TBKBP1: variants seen among roughly 807,000 people sequenced by gnomAD.
The protein encoded by TBKBP1 is TANK-binding kinase 1-binding protein 1.
In TBKBP1, 47 loss-of-function variants were observed where a neutral mutation model predicts 69.9. The observed-to-expected ratio is 0.67, with a 90% CI of 0.53 to 0.86. The LOEUF is 0.86. Ranked by LOEUF, TBKBP1 falls within the 40% of genes least tolerant of loss-of-function variation. The pLI, the probability that TBKBP1 is intolerant of heterozygous loss-of-function variation, is 0.00. For missense variants in TBKBP1, 831 were observed against 858.6 expected, an observed-to-expected ratio of 0.97 and a Z score of 0.40; for synonymous variants, 418 against 390.3, an observed-to-expected ratio of 1.07 and a Z score of -0.84.
chr17:47,698,310 T>C (rs2031332123), intron 4 of TBKBP1, among the ~76,000 whole-genome samples: 3 of 152,230 alleles, frequency 2.0e-5, no homozygotes, highest in Admixed American at 2.0e-4. Context: ...ATGGAAGTTC[T>C]GATGCTCCTG....
rs1475181504 is a variant in TBKBP1, at chr17:47,708,773, GCCCCTC to G, written c.1050_1055del (p.Ser351_Pro352del). On this transcript the variant is annotated inframe_deletion, in exon 9 of 10. Transcript: ENST00000578982. This position sits in a 1 kb window ranked among gnomAD's most constrained non-coding sequence, Gnocchi z 4.4. ...CAACGCCACTCCCCGGCCCCCCAGT[GCCCCTC>G]CCCCTCCCCGCCTGCCCGAGCGGCT... 6 of 881,918 alleles carry G rather than the reference GCCCCTC, an allele frequency of 6.8e-6. No individual in the cohort carries two copies. The highest frequency in any genetic ancestry group is 9.8e-6 in the Non-Finnish European group (6 of 612,598). 54.6% of individuals were successfully genotyped at this position (881,918 alleles called of 1,614,324 possible). A position where few individuals can be genotyped will look rare whatever the true frequency, so the allele number is the denominator to read the frequency against.
intron 9 of TBKBP1, 136 bp downstream of exon 9, chr17:47,709,588 C>A: frequency 7.7e-7 from 1 of 1,296,450 alleles, no homozygotes; most frequent in Non-Finnish European, 1.0e-6. Flanking sequence ...GGACCCCGGG[C>A]CACAGTCTAG....
chr17:47,696,082 G>T lies in TBKBP1; in HGVS notation c.-31G>T, dbSNP rs1402131174. The T allele has an allele frequency of 6.4e-7, 1 of 1,565,500 alleles. No homozygotes were observed. The highest frequency in any genetic ancestry group is 1.1e-5 in the South Asian group (1 of 87,342). On this transcript the variant is annotated 5_prime_UTR_variant, in exon 2 of 10. Coordinates refer to ENST00000578982, the MANE Select transcript of TBKBP1 (RefSeq NM_001394755.1). ...ACGGTTGCTCCTGCTCTCCTAGGAGGCCCCGTGTGGGCCGCGGCCCGGCCC... is the reference window on the plus strand; with the variant it reads ...ACGGTTGCTCCTGCTCTCCTAGGAGTCCCCGTGTGGGCCGCGGCCCGGCCC...
chr17:47,709,443 G>A lies in TBKBP1; in HGVS notation c.1710G>A (p.Pro570=), dbSNP rs1266068664. The A allele has an allele frequency of 2.0e-6, 3 of 1,527,594 alleles. No individual in the cohort carries two copies. The highest frequency in any genetic ancestry group is 2.0e-5 in the Admixed American group (1 of 50,358). The allele number at this position is 1,527,594 out of a possible 1,614,324, so 94.6% of individuals were successfully genotyped here. A position where few individuals can be genotyped will look rare whatever the true frequency, so the allele number is the denominator to read the frequency against. Residue 570 remains proline, a synonymous_variant, in exon 9 of 10, where the codon CCG becomes CCA. Transcript: ENST00000578982. ...YAHAEHAQSW[P]SINLLMETVG... ...ACGCCGAGCACGCGCAGTCCTGGCC[G>A]TCCATCAACGTGAGTGGGGCGCCCG...
intron 7 of TBKBP1, among the ~76,000 whole-genome samples, chr17:47,701,400 C>T (rs768549147): frequency 2.0e-4 from 31 of 152,136 alleles, no homozygotes; most frequent in Middle Eastern, 3.2e-3. Context: ...CTCTCTCACA[C>T]TCTCCAATCC....
At position 47,698,648 on chromosome 17, in the gene TBKBP1, GCGGCAACAGCAAGGC is replaced by G. The variant is rs1156428814; in HGVS notation, c.509_523del (p.Arg170_Gly174del). 1 of 1,602,458 alleles carries G rather than the reference GCGGCAACAGCAAGGC, an allele frequency of 6.2e-7. No homozygotes were observed. On this transcript the variant is annotated inframe_deletion, in exon 5 of 10. Transcript: ENST00000578982. The stretch of plus-strand genomic sequence containing the variant: ...AGATCTGTGGTTTGGAGCAGCAGCT[GCGGCAACAGCAAGGC>G]CTCCAGGATGCAGCCTTCTCCAACC...
At position 47,696,229 on chromosome 17, in the gene TBKBP1, C is replaced by T. The variant is rs539221786; in HGVS notation, c.117C>T (p.Ala39=). The T allele has an allele frequency of 1.6e-5, 26 of 1,613,668 alleles. No individual in the cohort carries two copies. The highest frequency in any genetic ancestry group is 2.1e-5 in the Non-Finnish European group (25 of 1,179,872). ...CGCTTGGGGGCGACATGTGCTCCGC[C>T]TCCCACTTTGCCCTCATCACTGCTT... ...DPSLGGDMCS[A]SHFALITAYG... The change falls in exon 2 of 10, where the codon GCC becomes GCT. Residue 39 remains alanine, a synonymous_variant. Transcript: ENST00000578982.
In TBKBP1 at chr17:47,696,738, G is replaced by T; in HGVS notation, c.253G>T (p.Glu85Ter). The change falls in exon 3 of 10, where the codon GAG becomes TAG. Residue 85 changes from glutamate (E) to a stop codon, truncating the protein, a stop_gained. Coordinates refer to ENST00000578982, the MANE Select transcript of TBKBP1 (RefSeq NM_001394755.1). LOFTEE classifies it high-confidence loss of function. Reference protein sequence around the residue: ...KYPLISDFGEEHGFSLYEIKD... With the variant: ...KYPLISDFGE The stretch of plus-strand genomic sequence containing the variant: ...CCCACTGATCAGTGACTTTGGAGAG[G>T]AGCATGGCTTTTCTCTGTATGAAAT... 1 of 1,613,990 alleles carries T rather than the reference G, an allele frequency of 6.2e-7. No individual in the cohort carries two copies.
At position 47,696,722 on chromosome 17, in the gene TBKBP1, C is replaced by T. The variant is rs1156919421; in HGVS notation, c.237C>T (p.Ile79=). 6.2e-7 allele frequency: 1 copy of T among 1,613,916 alleles called. No individual in the cohort carries two copies. Residue 79 remains isoleucine, a synonymous_variant, in exon 3 of 10, where the codon ATC becomes ATT. Coordinates refer to ENST00000578982, the MANE Select transcript of TBKBP1 (RefSeq NM_001394755.1). The stretch of plus-strand genomic sequence containing the variant: ...CACCCCACCTGCAGTACCCACTGAT[C>T]AGTGACTTTGGAGAGGAGCATGGCT... ...LKVYEIKYPL[I]SDFGEEHGFS...
At chr17:47,706,711 C>T (rs2031707804) in intron 7 of TBKBP1, among the ~76,000 whole-genome samples, 1 of 152,088 alleles carries the variant, frequency 6.6e-6, no homozygotes, top group South Asian at 2.1e-4. Context: ...TAGTAAGAGA[C>T]AGCCAGTGAG....
chr17:47,699,251 GT>G, intron 5 of TBKBP1, 68 bp from the exon 6 acceptor site: 1 of 1,423,012 alleles, frequency 7.0e-7, no homozygotes, highest in Non-Finnish European at 9.2e-7. Context: ...GCATCCTCCT[GT>G]TTCACTCTGG....
At chr17:47,699,231 TC>T (rs1314380417) in intron 5 of TBKBP1, 88 bp from the exon 6 acceptor site, 1 of 1,342,654 alleles carries the variant, frequency 7.4e-7, no homozygotes, top group Non-Finnish European at 9.6e-7. Context: ...TCTCTTGGAG[TC>T]CCCATGCTGC....
chr17:47,696,311 C>A lies in TBKBP1; in HGVS notation c.199C>A (p.Arg67Ser). ...GGAGAGGGAGAACGCCACCCTCCGA[C>A]GCCGCCTCAAAGTCTACGAGATCAA... Reference protein sequence around the residue: ...GLERENATLRRRLKVYEIKYP... With the variant: ...GLERENATLRSRLKVYEIKYP... The change falls in exon 2 of 10, where the codon CGC (arginine) becomes AGC (serine). Residue 67 changes from arginine to serine, a missense_variant. By Grantham distance (110) the Arg-to-Ser change is moderately radical. Transcript: ENST00000578982. 1.2e-6 allele frequency: 2 copies of A among 1,613,210 alleles called. No individual in the cohort carries two copies. The highest frequency in any genetic ancestry group is 1.1e-5 in the South Asian group (1 of 91,090).
chr17:47,710,657 CG>C lies in TBKBP1; in HGVS notation c.*32del. On this transcript the variant is annotated 3_prime_UTR_variant, in exon 10 of 10. Coordinates refer to ENST00000578982, the MANE Select transcript of TBKBP1 (RefSeq NM_001394755.1). ...CAGCCCCACCCACTGGCTGTTTCTC[CG>C]TCCTCTCCTATCACCCCCAAACACT... 1 of 1,583,882 alleles carries C rather than the reference CG, an allele frequency of 6.3e-7. No homozygotes were observed. Among genetic ancestry groups the C allele is most frequent in the Non-Finnish European group, 8.6e-7 (1 of 1,156,136 alleles).
chr17:47,699,540 G>A (rs1345731131), intron 6 of TBKBP1, 45 bp downstream of exon 6: 1 of 1,608,826 alleles, frequency 6.2e-7, no homozygotes, highest in Non-Finnish European at 8.5e-7. Context: ...CCAGGGCTGG[G>A]CCTTCCCCAC....
intron 2 of TBKBP1, among the ~76,000 whole-genome samples, 182 bp from the exon 3 acceptor site, chr17:47,696,529 G>C (rs2031249871): frequency 6.6e-6 from 1 of 152,138 alleles, no homozygotes; most frequent in Admixed American, 6.5e-5. Context: ...GCTGGATCTG[G>C]GATCTAAAAC....
intron 7 of TBKBP1, among the ~76,000 whole-genome samples, chr17:47,704,598 G>C (rs749920121): frequency 6.6e-6 from 1 of 152,164 alleles, no homozygotes; most frequent in Non-Finnish European, 1.5e-5. Context: ...TGAATCAGAC[G>C]ATGATTCTGA....
chr17:47,699,415 C>A lies in TBKBP1; in HGVS notation c.730C>A (p.Gln244Lys). Residue 244 changes from glutamine to lysine, a missense_variant, in exon 6 of 10, where the codon CAG (glutamine) becomes AAG (lysine). Gln to Lys is a moderately conservative substitution (Grantham distance 53, BLOSUM62 1). Coordinates refer to ENST00000578982, the MANE Select transcript of TBKBP1 (RefSeq NM_001394755.1). ...CGCGCAGGGAGAGGCCCGGGGGGCT[C>A]AGCTCCGGGAGGAGCAGCTCCAGGC... ...EAAQGEARGA[Q>K]LREEQLQAEC... 1 of 1,566,348 alleles carries A rather than the reference C, an allele frequency of 6.4e-7. No individual in the cohort carries two copies. The highest frequency in any genetic ancestry group is 1.4e-5 in the African/African-American group (1 of 73,000).
rs111443670 is a variant in TBKBP1 at position 47,707,868 on chromosome 17, A to G, written c.873-526A>G. Among the ~76,000 whole-genome samples the G allele has an allele frequency of 7.0e-3, 1,067 of 152,306 alleles. 4 individuals are homozygous for G. The highest frequency in any genetic ancestry group is 0.011 in the Non-Finnish European group (762 of 68,028). ...GCTATTCTATGCAGCAGGGTCCCCA[A>G]CCTTTTCAAAGGTGAGGACTCTTCA... On this transcript the variant is annotated intron_variant, in intron 7 of 9. Transcript: ENST00000578982.
Sources: gnomAD v4.1 joint callset for allele counts (sites outside exome capture counted in the v4.1 genomes callset) on GRCh38, gnomAD v4.1.1 for gene constraint, Gnocchi (gnomAD v3.1) non-coding constraint, MANE v1.5 for transcripts, NCBI Gene and HGNC (gene_info 2026-07-23, HGNC 2026-07-21) for gene names.